Variants in MINDY2 observed in about 807,000 individuals in gnomAD.
MINDY2 encodes ubiquitin carboxyl-terminal hydrolase MINDY-2.
In MINDY2, 52 loss-of-function variants were observed where a neutral mutation model predicts 68.2. The ratio of observed to expected loss-of-function variants is 0.76; its 90% CI spans 0.61 to 0.96. MINDY2 has a LOEUF of 0.96. Among genes scored for constraint, MINDY2 ranks in the 40% least tolerant of loss-of-function variants. The pLI is 0.00. For synonymous variants in MINDY2, 372 were observed against 303.0 expected, an observed-to-expected ratio of 1.23 and a Z score of -2.36; for missense variants, 881 against 773.4, an observed-to-expected ratio of 1.14 and a Z score of -1.65.
chr15:58,773,869 T>A (rs1213892926), intron 1 of MINDY2, among the ~76,000 whole-genome samples: 2 of 151,860 alleles, frequency 1.3e-5, no homozygotes, highest in Non-Finnish European at 2.9e-5. Flanking sequence ...ATGACAGAAG[T>A]GGTAAGCTAA....
At chr15:58,835,609 T>C (rs1410092926) in intron 6 of MINDY2, among the ~76,000 whole-genome samples, 1 of 152,134 alleles carries the variant, frequency 6.6e-6, no homozygotes, top group Non-Finnish European at 1.5e-5. Flanking sequence ...ACTGAGAATG[T>C]GCCATTGCAC....
intron 6 of MINDY2, among the ~76,000 whole-genome samples, chr15:58,842,733 G>T (rs571675238): frequency 7.2e-5 from 11 of 152,102 alleles, no homozygotes; most frequent in Non-Finnish European, 1.5e-4. Context: ...TAGAGGCTTT[G>T]TACTATATTA....
Position 58,854,469 on chromosome 15 carries a change from A to AT in MINDY2, c.1738-8dup. 6.2e-7 allele frequency: 1 copy of AT among 1,605,448 alleles called. No individual in the cohort carries two copies. The highest frequency in any genetic ancestry group is 1.3e-5 in the African/African-American group (1 of 74,284). Reference sequence around the variant, plus strand: ...TAGTTAGAGTAATTTCTTGCTGTATATTTTTCTTAAAGCAGGGCCAGCCAG... The same window carrying AT: ...TAGTTAGAGTAATTTCTTGCTGTATATTTTTTCTTAAAGCAGGGCCAGCCAG... On this transcript the variant is annotated splice_polypyrimidine_tract_variant and intron_variant, in intron 8 of 8. Transcript: ENST00000559228.
intron 2 of MINDY2, among the ~76,000 whole-genome samples, chr15:58,792,881 G>A (rs1421100080): frequency 1.3e-5 from 2 of 151,878 alleles, no homozygotes; most frequent in Admixed American, 6.6e-5. Flanking sequence ...GCGTGCCTAT[G>A]GTCCCAGCTA....
chr15:58,773,972 C>A (rs538948587), intron 1 of MINDY2, among the ~76,000 whole-genome samples: 1 of 152,128 alleles, frequency 6.6e-6, no homozygotes, highest in Non-Finnish European at 1.5e-5. Flanking sequence ...CTTGCTCTAA[C>A]GGGCCAGAGT....
intron 4 of MINDY2, among the ~76,000 whole-genome samples, chr15:58,817,154 C>T (rs1435640383): frequency 6.6e-6 from 1 of 152,108 alleles, no homozygotes; most frequent in Non-Finnish European, 1.5e-5. Context: ...CATCTAAAGG[C>T]ATTCCAAACA....
intron 1 of MINDY2, among the ~76,000 whole-genome samples, chr15:58,777,366 A>G (rs1272405332): frequency 6.6e-6 from 1 of 152,214 alleles, no homozygotes; most frequent in Non-Finnish European, 1.5e-5. Context: ...TGAGCAAAGG[A>G]GTAAGTGTAG....
chr15:58,775,839 G>C (rs1291074728), intron 1 of MINDY2, among the ~76,000 whole-genome samples: 2 of 151,796 alleles, frequency 1.3e-5, no homozygotes, highest in Non-Finnish European at 2.9e-5. Context: ...GCATGGACTG[G>C]GTCTCAGTAA....
chr15:58,807,979 C>T (rs983590218), intron 3 of MINDY2, among the ~76,000 whole-genome samples: 1 of 151,834 alleles, frequency 6.6e-6, no homozygotes, highest in Non-Finnish European at 1.5e-5. Flanking sequence ...TCTCCCTCAC[C>T]TCCCTCTCCT....
At chr15:58,836,999 C>G (rs563726500) in intron 6 of MINDY2, among the ~76,000 whole-genome samples, 110 of 152,264 alleles carry the variant, frequency 7.2e-4, no homozygotes, top group African/African-American at 2.6e-3. Context: ...ACAACAGAAT[C>G]TATAACACTT....
Position 58,775,086 on chromosome 15 carries a change from C to T in MINDY2, c.840+2851C>T, listed in dbSNP as rs138093111. On this transcript the variant is annotated intron_variant, in intron 1 of 8. Coordinates refer to ENST00000559228, the MANE Select transcript of MINDY2 (RefSeq NM_001040450.3). ...AGTCAAAGCTATTTTTATGATAATA[C>T]TAAGATGTTATTTGCCTTTTTCACT... Among the ~76,000 whole-genome samples the T allele has an allele frequency of 2.4e-3, 361 of 152,242 alleles. 4 individuals carry two copies. The highest frequency in any genetic ancestry group is 8.1e-3 in the African/African-American group (337 of 41,538).
intron 7 of MINDY2, among the ~76,000 whole-genome samples, chr15:58,849,043 C>CT (rs1380187229): frequency 6.6e-6 from 1 of 151,928 alleles, no homozygotes; most frequent in Non-Finnish European, 1.5e-5. Context: ...AACCCTGTCT[C>CT]TACTAAACAT....
At chr15:58,781,243 G>A (rs1016990468) in intron 1 of MINDY2, among the ~76,000 whole-genome samples, 14 of 151,960 alleles carry the variant, frequency 9.2e-5, no homozygotes, top group Admixed American at 3.3e-4. Context: ...GTAGAGACAG[G>A]GTTTTACCAT....
intron 3 of MINDY2, among the ~76,000 whole-genome samples, chr15:58,809,378 C>G (rs1247632769): frequency 6.6e-6 from 1 of 152,006 alleles, no homozygotes; most frequent in Non-Finnish European, 1.5e-5. Flanking sequence ...CCTCAAGGTT[C>G]ATCTGGTTGT....
chr15:58,771,830 C>T lies in MINDY2; in HGVS notation c.435C>T (p.Ala145=), dbSNP rs745484008. The T allele has an allele frequency of 1.8e-5, 29 of 1,608,240 alleles. 1 individual carries two copies. The South Asian group carries it at 3.1e-4, about 17-fold the overall frequency. The change falls in exon 1 of 9, where the codon GCC becomes GCT. Residue 145 remains alanine (A), a synonymous_variant. Coordinates refer to ENST00000559228, the MANE Select transcript of MINDY2 (RefSeq NM_001040450.3). ...LAGTCQAELT[A]AGSEEPSSAG... ...GCACCTGCCAAGCAGAACTGACCGC[C>T]GCCGGCTCCGAAGAGCCCAGCAGCG...
intron 5 of MINDY2, among the ~76,000 whole-genome samples, chr15:58,824,780 C>T (rs1361793645): frequency 7.2e-6 from 1 of 138,840 alleles, no homozygotes; most frequent in African/African-American, 2.7e-5. Flanking sequence ...AGCAATTCTC[C>T]TGCCTCAGCC....
intron 1 of MINDY2, among the ~76,000 whole-genome samples, chr15:58,786,959 A>G (rs900607024): frequency 1.3e-5 from 2 of 152,058 alleles, no homozygotes; most frequent in Non-Finnish European, 2.9e-5. Flanking sequence ...CCTCCCAAGT[A>G]GCTGGGATTA....
intron 4 of MINDY2, among the ~76,000 whole-genome samples, chr15:58,820,655 G>A (rs560319019): frequency 2.2e-4 from 34 of 152,136 alleles, no homozygotes; most frequent in African/African-American, 4.1e-4. Context: ...GCTATGCATC[G>A]GAATCACCTG....
At chr15:58,811,598 C>T (rs1391773818) in intron 4 of MINDY2, among the ~76,000 whole-genome samples, 3 of 152,148 alleles carry the variant, frequency 2.0e-5, no homozygotes, top group East Asian at 1.9e-4. Context: ...GAGCTCCTGA[C>T]GAGGAGATGT....
Sources: gnomAD v4.1 joint callset for allele counts (sites outside exome capture counted in the v4.1 genomes callset) on GRCh38, gnomAD v4.1.1 for gene constraint, MANE v1.5 for transcripts, NCBI Gene and HGNC (gene_info 2026-07-23, HGNC 2026-07-21) for gene names.